The following SGCZ variants were observed in gnomAD, a reference collection of about 807,000 sequenced individuals.
SGCZ encodes sarcoglycan zeta.
In SGCZ, 40 loss-of-function variants were observed where a neutral mutation model predicts 41.3. That is an observed-to-expected ratio of 0.97 (90% CI 0.75 to 1.26). SGCZ has a LOEUF of 1.26. Ranked by LOEUF, SGCZ falls within the 50% of genes most tolerant of loss-of-function variation. SGCZ has a pLI of 0.00. For synonymous variants in SGCZ, 206 were observed against 137.5 expected (o/e 1.50, Z -3.49); for missense variants, 552 against 369.8 (o/e 1.49, Z -4.04).
intron 1 of SGCZ, among the ~76,000 whole-genome samples, chr8:14,991,288 C>G (rs1194960846): frequency 1.3e-5 from 2 of 152,052 alleles, no homozygotes; most frequent in East Asian, 1.9e-4. Context: ...CTTTGCTAAT[C>G]AAAATATGAT....
chr8:14,728,233 T>C (rs532776681), intron 1 of SGCZ, among the ~76,000 whole-genome samples: 5 of 151,826 alleles, frequency 3.3e-5, no homozygotes, highest in Non-Finnish European at 7.4e-5. Context: ...TAATTTTCTC[T>C]AAAAATAAAT....
chr8:14,199,875 T>G (rs1273671682), intron 4 of SGCZ, among the ~76,000 whole-genome samples: 1 of 152,198 alleles, frequency 6.6e-6, no homozygotes, highest in Non-Finnish European at 1.5e-5. Context: ...GAACAAATCT[T>G]CTATCCATAC....
At chr8:14,347,166 T>C (rs1037356505) in intron 2 of SGCZ, among the ~76,000 whole-genome samples, 3 of 152,060 alleles carry the variant, frequency 2.0e-5, no homozygotes, top group African/African-American at 7.2e-5. Context: ...GAAAAACTAC[T>C]CATTTTTCTT....
chr8:14,798,017 G>A (rs1282160965), intron 1 of SGCZ, among the ~76,000 whole-genome samples: 1 of 152,216 alleles, frequency 6.6e-6, no homozygotes, highest in Non-Finnish European at 1.5e-5. Context: ...TGCTGCAGGG[G>A]CGGGGCCCTC....
intron 2 of SGCZ, among the ~76,000 whole-genome samples, chr8:14,493,231 C>T (rs895405276): frequency 4.6e-5 from 7 of 152,058 alleles, no homozygotes; most frequent in Middle Eastern, 6.8e-3. Context: ...TCTCCCTCCT[C>T]TCCTCTGATG....
At chr8:14,268,912 T>C (rs569843633) in intron 3 of SGCZ, among the ~76,000 whole-genome samples, 87 of 151,848 alleles carry the variant, frequency 5.7e-4, no homozygotes, top group Admixed American at 1.8e-3. Flanking sequence ...AATTGAAATA[T>C]AATACATATT....
At chr8:14,937,500 C>A (rs1047567431) in intron 1 of SGCZ, among the ~76,000 whole-genome samples, 2 of 151,974 alleles carry the variant, frequency 1.3e-5, no homozygotes, top group Non-Finnish European at 2.9e-5. Context: ...CTTACAAAAA[C>A]CCTACAACTC....
chr8:14,526,769 G>C (rs1310455408), intron 2 of SGCZ, among the ~76,000 whole-genome samples: 4 of 151,938 alleles, frequency 2.6e-5, no homozygotes, highest in African/African-American at 9.7e-5. Flanking sequence ...CTTCTGCAGA[G>C]GTTTATGTCT....
At chr8:14,918,020 A>C (rs7838524) in intron 1 of SGCZ, among the ~76,000 whole-genome samples, 15,416 of 152,140 alleles carry the variant, frequency 0.1, 998 homozygotes, top group African/African-American at 0.18. Flanking sequence ...TCTATTTTTA[A>C]AATGCCCTCT....
chr8:14,334,881 T>C (rs1195263205), intron 2 of SGCZ, among the ~76,000 whole-genome samples: 2 of 152,162 alleles, frequency 1.3e-5, no homozygotes, highest in Non-Finnish European at 1.5e-5. Flanking sequence ...TATACAGAAG[T>C]AACTTGTGTG....
At chr8:14,702,143 C>G (rs892753495) in intron 1 of SGCZ, among the ~76,000 whole-genome samples, 2 of 151,932 alleles carry the variant, frequency 1.3e-5, no homozygotes, top group Admixed American at 6.6e-5. Context: ...GCTCAGTGCT[C>G]ACTTTGCCCA....
At chr8:14,951,194 C>A in intron 1 of SGCZ, among the ~76,000 whole-genome samples, 1 of 151,916 alleles carries the variant, frequency 6.6e-6, no homozygotes, top group Non-Finnish European at 1.5e-5. Context: ...ATAGTTATAC[C>A]TCAATCATAT....
intron 2 of SGCZ, among the ~76,000 whole-genome samples, chr8:14,352,175 A>G (rs1437519782): frequency 1.3e-5 from 2 of 152,076 alleles, no homozygotes; most frequent in African/African-American, 4.8e-5. Flanking sequence ...AAGAGTTACA[A>G]AAACTTGTGT....
At chr8:14,219,387 G>C (rs1806110074) in intron 4 of SGCZ, among the ~76,000 whole-genome samples, 1 of 152,140 alleles carries the variant, frequency 6.6e-6, no homozygotes, top group Admixed American at 6.5e-5. Context: ...GCCGGTATTG[G>C]TCAACAGAAA....
At chr8:15,174,537 A>G (rs1799941678) in intron 1 of SGCZ, among the ~76,000 whole-genome samples, 1 of 152,242 alleles carries the variant, frequency 6.6e-6, no homozygotes, top group Non-Finnish European at 1.5e-5. Context: ...ATATACCTAT[A>G]AAAACAAAGA....
chr8:14,993,108 C>T (rs1217025519), intron 1 of SGCZ, among the ~76,000 whole-genome samples: 1 of 152,166 alleles, frequency 6.6e-6, no homozygotes, highest in Non-Finnish European at 1.5e-5. Context: ...ATACTATAAT[C>T]TTCTCCCAAA....
intron 2 of SGCZ, among the ~76,000 whole-genome samples, chr8:14,491,768 A>G (rs1325549040): frequency 6.6e-6 from 1 of 152,130 alleles, no homozygotes. Context: ...GTCTTGGGGA[A>G]CCACTTTGGT....
At chr8:14,142,692 C>A (rs953727812) in intron 5 of SGCZ, among the ~76,000 whole-genome samples, 2 of 152,060 alleles carry the variant, frequency 1.3e-5, no homozygotes, top group Non-Finnish European at 2.9e-5. Flanking sequence ...AAATGTAACT[C>A]CCAATGCTGG....
In SGCZ at chr8:15,118,652, G is replaced by C. The variant is rs562233033; in HGVS notation, c.39+118933C>G. On this transcript the variant is annotated intron_variant, in intron 1 of 7. Transcript: ENST00000382080. ...AGTTAATAGGTCAATCAAAAATAAG[G>C]TTGAGACCCTCTGATCAGGAGTAGC... 3.7e-4 allele frequency among the ~76,000 whole-genome samples: 57 copies of C among 152,174 alleles called. 1 individual carries two copies. Among genetic ancestry groups the C allele is most frequent in the Middle Eastern group, 3.4e-3 (1 of 294 alleles).
Sources: allele counts gnomAD v4.1 joint callset (sites outside exome capture counted in the v4.1 genomes callset), GRCh38; gene constraint gnomAD v4.1.1; transcripts MANE v1.5; gene names NCBI Gene and HGNC (gene_info 2026-07-23, HGNC 2026-07-21).